MTDH: variants seen among roughly 807,000 people sequenced by gnomAD.
MTDH encodes metadherin.
MTDH carries 34 observed loss-of-function variants against 72.7 expected under a neutral mutation model. That is an observed-to-expected ratio of 0.47 (90% CI 0.36 to 0.62). The LOEUF (loss-of-function observed/expected upper bound fraction) is 0.62, where lower values mean the gene tolerates loss of function less well. Ranked by LOEUF, MTDH falls within the 20% of genes least tolerant of loss-of-function variation. MTDH has a pLI of 0.00. For missense variants in MTDH, 677 were observed against 699.4 expected, an observed-to-expected ratio of 0.97 and a Z score of 0.36; for synonymous variants, 266 against 268.9, an observed-to-expected ratio of 0.99 and a Z score of 0.10.
At chr8:97,718,409 A>G (rs777539881) in intron 9 of MTDH, among the ~76,000 whole-genome samples, 7 of 152,150 alleles carry the variant, frequency 4.6e-5, no homozygotes, top group Non-Finnish European at 8.8e-5. Context: ...TACCCTTTCT[A>G]CTATGTAAGC....
intron 1 of MTDH, among the ~76,000 whole-genome samples, chr8:97,645,262 T>G (rs1446685190): frequency 6.6e-6 from 1 of 151,990 alleles, no homozygotes; most frequent in East Asian, 1.9e-4. Context: ...TAAGGTGGTG[T>G]TAGGAAGTTG....
intron 8 of MTDH, among the ~76,000 whole-genome samples, chr8:97,707,375 C>G (rs1814397806): frequency 1.3e-5 from 2 of 151,382 alleles, no homozygotes; most frequent in East Asian, 1.9e-4. Flanking sequence ...GTCTCCAACT[C>G]CAGACCTCAG....
At position 97,687,538 on chromosome 8, in the gene MTDH, T is replaced by A; in HGVS notation, c.678T>A (p.Asn226Lys). ...ATTCAACTATCCCTGGGATAGAAAATACCATCACAGTTACCACCGAGCAAC... is the reference window on the plus strand; with the variant it reads ...ATTCAACTATCCCTGGGATAGAAAAAACCATCACAGTTACCACCGAGCAAC... ...SLDSTIPGIE[N>K]TITVTTEQLT... Residue 226 changes from asparagine to lysine, a missense_variant, in exon 4 of 12, where the codon AAT (asparagine) becomes AAA (lysine). Physicochemically the swap from Asn to Lys is moderately conservative, Grantham distance 94. Around this residue, in one of 3 missense-constraint regions of MTDH, gnomAD observed 467 missense variants for 469.1 expected, o/e 1.00. Coordinates refer to ENST00000336273, the MANE Select transcript of MTDH (RefSeq NM_178812.4). The A allele has an allele frequency of 1.9e-6, 3 of 1,613,410 alleles. No homozygotes were observed. The highest frequency in any genetic ancestry group is 2.5e-6 in the Non-Finnish European group (3 of 1,179,638).
intron 1 of MTDH, among the ~76,000 whole-genome samples, chr8:97,652,315 G>T (rs772438221): frequency 6.6e-6 from 1 of 152,150 alleles, no homozygotes; most frequent in Non-Finnish European, 1.5e-5. Flanking sequence ...TCACAACCCA[G>T]CGCCTTTACA....
intron 7 of MTDH, 80 bp from the exon 8 acceptor site, chr8:97,706,546 G>T: frequency 7.4e-7 from 1 of 1,351,892 alleles, no homozygotes; most frequent in South Asian, 1.7e-5. Context: ...CAGCTTAGTT[G>T]AACATAAGGA....
intron 2 of MTDH, among the ~76,000 whole-genome samples, chr8:97,676,876 A>G (rs956013701): frequency 4.6e-5 from 7 of 151,652 alleles, no homozygotes; most frequent in African/African-American, 1.7e-4. Context: ...GTGGTGGCAC[A>G]TACCCGTAGT....
chr8:97,724,265 C>T (rs1397907573), intron 11 of MTDH, among the ~76,000 whole-genome samples: 1 of 152,004 alleles, frequency 6.6e-6, no homozygotes. Flanking sequence ...GCTTTTTTTC[C>T]TCCTTTACTC....
chr8:97,700,634 T>C (rs1814080238), intron 7 of MTDH, among the ~76,000 whole-genome samples: 1 of 152,242 alleles, frequency 6.6e-6, no homozygotes, highest in East Asian at 1.9e-4. Context: ...TGCCAGGCAC[T>C]GGTCTTAGTC....
intron 3 of MTDH, 142 bp from the exon 4 acceptor site, chr8:97,687,287 A>G (rs950844110): frequency 5.2e-6 from 3 of 574,684 alleles, no homozygotes; most frequent in Non-Finnish European, 5.6e-6. Flanking sequence ...GGATGAGTTA[A>G]TATAATCAAC....
chr8:97,695,377 G>T (rs370968656), intron 6 of MTDH, among the ~76,000 whole-genome samples: 3 of 152,112 alleles, frequency 2.0e-5, no homozygotes, highest in Admixed American at 6.5e-5. Flanking sequence ...CCCCCAAAAT[G>T]CTGGGTTTAG....
chr8:97,681,016 T>G (rs1283471256), intron 2 of MTDH, among the ~76,000 whole-genome samples: 1 of 152,154 alleles, frequency 6.6e-6, no homozygotes, highest in African/African-American at 2.4e-5. Flanking sequence ...TGACCAAATC[T>G]TTTTCAGTTT....
intron 3 of MTDH, 125 bp from the exon 4 acceptor site, chr8:97,687,304 G>A (rs555724515): frequency 1.4e-6 from 1 of 723,234 alleles, no homozygotes; most frequent in African/African-American, 1.8e-5. Flanking sequence ...CAACACTCTT[G>A]GTTTTAGCTT....
Position 97,689,103 on chromosome 8 carries a change from G to T in MTDH, c.811G>T (p.Val271Phe). ...KSGKGDSTLQ[V>F]SSGLNENLTV... Reference sequence around the variant, plus strand: ...TGGAAAAGGAGATTCTACACTTCAGGGTGAGAGAAATTACATGTAACTTAA... The same window carrying T: ...TGGAAAAGGAGATTCTACACTTCAGTGTGAGAGAAATTACATGTAACTTAA... Residue 271 changes from valine to phenylalanine, a missense_variant and splice_region_variant, in exon 5 of 12, where the codon GTT becomes TTT. Around this residue, in one of 3 missense-constraint regions of MTDH, gnomAD observed 467 missense variants for 469.1 expected, o/e 1.00. Transcript: ENST00000336273. 6.4e-7 allele frequency: 1 copy of T among 1,563,494 alleles called. No individual in the cohort carries two copies. Among genetic ancestry groups the T allele is most frequent in the Non-Finnish European group, 8.7e-7 (1 of 1,145,038 alleles).
chr8:97,670,195 A>G (rs933061543), intron 2 of MTDH, among the ~76,000 whole-genome samples: 6 of 152,176 alleles, frequency 3.9e-5, no homozygotes, highest in Non-Finnish European at 8.8e-5. Context: ...CGCCGCCTGT[A>G]GTCCCAGCTA....
chr8:97,710,374 G>A (rs1814572677), intron 8 of MTDH, among the ~76,000 whole-genome samples: 1 of 152,122 alleles, frequency 6.6e-6, no homozygotes, highest in Admixed American at 6.5e-5. Flanking sequence ...TTAAACTACA[G>A]TGCTTACTTC....
rs17854374 is a variant in MTDH, at chr8:97,691,089, A to G, written c.949A>G (p.Thr317Ala). 0.056 allele frequency: 89,845 copies of G among 1,613,996 alleles called. 2,924 individuals carry two copies. The highest frequency in any genetic ancestry group is 0.062 in the Non-Finnish European group (72,754 of 1,179,902). ...VSPASAGKRKTEPSAWSQDTG... is the reference protein window; with the variant it reads ...VSPASAGKRKAEPSAWSQDTG... ...ACCTGCTTCTGCAGGAAAGAGGAAA[A>G]CTGAGCCATCTGCCTGGAGTCAAGA... Residue 317 changes from threonine (T) to alanine (A), a missense_variant, in exon 6 of 12, where the codon ACT (threonine) becomes GCT (alanine). Coordinates refer to ENST00000336273, the MANE Select transcript of MTDH (RefSeq NM_178812.4).
At chr8:97,715,022 G>C (rs1225978410) in intron 9 of MTDH, among the ~76,000 whole-genome samples, 11 of 152,000 alleles carry the variant, frequency 7.2e-5, no homozygotes, top group Middle Eastern at 3.2e-3. Context: ...ACAGGCTTTC[G>C]CCATGTTAGC....
Position 97,644,730 on chromosome 8 carries a change from G to A in MTDH, c.224G>A (p.Cys75Tyr), listed in dbSNP as rs771289695. 8 of 1,579,306 alleles carry A rather than the reference G, an allele frequency of 5.1e-6. No individual in the cohort carries two copies. In the South Asian group the frequency reaches 6.8e-5, roughly 13 times the overall value. The change falls in exon 1 of 12, where the codon TGC (cysteine) becomes TAC (tyrosine). Residue 75 changes from cysteine to tyrosine, a missense_variant. Cys to Tyr is a radical substitution (Grantham distance 194). Transcript: ENST00000336273. Reference sequence around the variant, plus strand: ...CTGGGCTACGGCTGGGCCGCGGCTTGCGCCGGCGCCCGCAAAAAGCGGAGG... The same window carrying A: ...CTGGGCTACGGCTGGGCCGCGGCTTACGCCGGCGCCCGCAAAAAGCGGAGG... ...FLLGYGWAAA[C>Y]AGARKKRRSP...
At chr8:97,686,382 C>G (rs1013275096) in intron 2 of MTDH, among the ~76,000 whole-genome samples, 19 of 152,118 alleles carry the variant, frequency 1.2e-4, no homozygotes, top group African/African-American at 4.3e-4. Flanking sequence ...TTTAACATCT[C>G]TAAGTTTTCA....
Sources: allele counts gnomAD v4.1 joint callset (sites outside exome capture counted in the v4.1 genomes callset), GRCh38; gene constraint gnomAD v4.1.1; regional missense constraint gnomAD v4.1.1; transcripts MANE v1.5; gene names NCBI Gene and HGNC (gene_info 2026-07-23, HGNC 2026-07-21).